Variants in EML1 observed in about 807,000 individuals in gnomAD.
The protein encoded by EML1 is echinoderm microtubule-associated protein-like 1.
A neutral mutation model predicts 110.4 loss-of-function variants in EML1; 27 were observed. The observed-to-expected ratio is 0.24, with a 90% CI of 0.18 to 0.34. The LOEUF is 0.34. Ranked by LOEUF, EML1 falls within the 10% of genes least tolerant of loss-of-function variation. The pLI, the probability that EML1 is intolerant of heterozygous loss-of-function variation, is 1.00. For synonymous variants in EML1, 344 were observed against 385.8 expected, an observed-to-expected ratio of 0.89 and a Z score of 1.27; for missense variants, 741 against 1,030.9, an observed-to-expected ratio of 0.72 and a Z score of 3.85.
intron 1 of EML1, among the ~76,000 whole-genome samples, chr14:99,820,053 G>T (rs1363047239): frequency 6.6e-6 from 1 of 152,172 alleles, no homozygotes; most frequent in Non-Finnish European, 1.5e-5. Context: ...GAAGAGCTGA[G>T]CATGTCTGGA....
At chr14:99,920,229 A>G (rs1006731628) in intron 16 of EML1, among the ~76,000 whole-genome samples, 2 of 152,168 alleles carry the variant, frequency 1.3e-5, no homozygotes, top group Non-Finnish European at 2.9e-5. Flanking sequence ...TGAAATTAGA[A>G]GACCAGTCCT....
chr14:99,811,332 C>CTTCCTCCTCTGCAGGGTTGCAGA (rs2058075885), intron 1 of EML1, among the ~76,000 whole-genome samples: 1 of 151,870 alleles, frequency 6.6e-6, no homozygotes, highest in Non-Finnish European at 1.5e-5. Context: ...AGGTTCGAGC[C>CTTCCTCCTCTGCAGGGTTGCAGA]ACTGTGCCTT....
At chr14:99,820,891 CA>C (rs2058249789) in intron 1 of EML1, among the ~76,000 whole-genome samples, 1 of 152,098 alleles carries the variant, frequency 6.6e-6, no homozygotes, top group Admixed American at 6.5e-5. Context: ...TGAGATTTTT[CA>C]AAAGCCTACA....
chr14:99,916,135 A>G (rs2060031189), intron 15 of EML1, among the ~76,000 whole-genome samples: 1 of 152,266 alleles, frequency 6.6e-6, no homozygotes, highest in Admixed American at 6.5e-5. Context: ...ATTTAGCCTA[A>G]CATAAGGGTT....
chr14:99,737,970 C>A, intron 1 of EML1: 1 of 1,115,272 alleles, frequency 9.0e-7, no homozygotes, highest in Non-Finnish European at 1.2e-6. Context: ...GTGAGCTGGA[C>A]CCCCTTCCTC....
At chr14:99,867,736 T>G (rs1371358294) in intron 3 of EML1, among the ~76,000 whole-genome samples, 1 of 152,226 alleles carries the variant, frequency 6.6e-6, no homozygotes, top group African/African-American at 2.4e-5. Context: ...CTTTAGGGTT[T>G]TCTAAATATA....
At chr14:99,829,390 C>T (rs1351001139) in intron 1 of EML1, among the ~76,000 whole-genome samples, 1 of 152,174 alleles carries the variant, frequency 6.6e-6, no homozygotes, top group Admixed American at 6.5e-5. Flanking sequence ...TGAGTGAACA[C>T]TTGAATGAAT....
chr14:99,890,878 C>T (rs1018429263), intron 4 of EML1, among the ~76,000 whole-genome samples: 5 of 151,692 alleles, frequency 3.3e-5, no homozygotes, highest in Admixed American at 6.6e-5. Context: ...TAAAAACAAC[C>T]GTTTTTACAC....
intron 1 of EML1, among the ~76,000 whole-genome samples, chr14:99,799,448 G>A (rs1405408168): frequency 1.3e-5 from 2 of 152,170 alleles, no homozygotes; most frequent in Non-Finnish European, 2.9e-5. Flanking sequence ...TCAACGCTCC[G>A]AAGTATTTTC....
intron 12 of EML1, among the ~76,000 whole-genome samples, 186 bp downstream of exon 12, chr14:99,910,527 C>T (rs978049347): frequency 3.3e-5 from 5 of 152,060 alleles, no homozygotes; most frequent in South Asian, 2.1e-4. Flanking sequence ...AGAGGAAAAG[C>T]GGAGAATAGT....
intron 1 of EML1, among the ~76,000 whole-genome samples, chr14:99,767,807 C>T (rs1460376537): frequency 2.0e-5 from 3 of 152,118 alleles, no homozygotes; most frequent in African/African-American, 7.2e-5. Context: ...CTCAAGGCCT[C>T]CCCCAAGTCC....
intron 3 of EML1, among the ~76,000 whole-genome samples, chr14:99,873,422 C>G (rs2059237451): frequency 2.0e-5 from 3 of 152,188 alleles, no homozygotes; most frequent in African/African-American, 7.2e-5. Context: ...GAATAGAAAG[C>G]CAAAATCTGG....
exon 1 of EML1, chr14:99,772,992 G>C (rs567811180): frequency 6.6e-6 from 1 of 152,296 alleles, no homozygotes; most frequent in Middle Eastern, 3.4e-3. Flanking sequence ...CCTGGATGCA[G>C]AGCGGTCACA....
intron 16 of EML1, among the ~76,000 whole-genome samples, chr14:99,918,837 A>G (rs146246684): frequency 2.0e-5 from 3 of 152,292 alleles, no homozygotes; most frequent in Non-Finnish European, 4.4e-5. Context: ...AAAATAGAAA[A>G]TAAATGCTTT....
chr14:99,775,343 G>A (rs1005305498), intron 1 of EML1, among the ~76,000 whole-genome samples: 4 of 152,224 alleles, frequency 2.6e-5, no homozygotes, highest in Non-Finnish European at 4.4e-5. Flanking sequence ...TTCAGAGGAG[G>A]GAGAAAGGGC....
chr14:99,878,227 C>T (rs985153046), intron 3 of EML1, among the ~76,000 whole-genome samples: 1 of 151,554 alleles, frequency 6.6e-6, no homozygotes, highest in Non-Finnish European at 1.5e-5. Flanking sequence ...AGTGCTCTCA[C>T]ACGGTACTGT....
At chr14:99,920,759 T>G (rs779817506) in intron 16 of EML1, 30 bp from the exon 17 acceptor site, 2 of 1,570,528 alleles carry the variant, frequency 1.3e-6, no homozygotes, top group Admixed American at 1.8e-5. Flanking sequence ...ATTAAACAAC[T>G]TACTGTGCTT....
In EML1 at chr14:99,911,469, A is replaced by G. The variant is rs749406648; in HGVS notation, c.1387A>G (p.Ile463Val). Residue 463 changes from isoleucine to valine, a missense_variant, in exon 13 of 22, where the codon ATT becomes GTT. Coordinates refer to ENST00000262233, the MANE Select transcript of EML1 (RefSeq NM_004434.3). ...YAVQGAHEGGIFALCMLRDGT... is the reference protein window; with the variant it reads ...YAVQGAHEGGVFALCMLRDGT... ...AGTTCAGGGGGCCCATGAGGGTGGC[A>G]TTTTTGCACTTTGTATGTTAAGAGA... 5.6e-6 allele frequency: 9 copies of G among 1,611,820 alleles called. No individual in the cohort carries two copies. In the Admixed American group the frequency reaches 6.8e-5, roughly 12 times the overall value.
In EML1 at chr14:99,910,280, C is replaced by T. The variant is rs769899424; in HGVS notation, c.1278C>T (p.Phe426=). 6.2e-7 allele frequency: 1 copy of T among 1,613,326 alleles called. No individual in the cohort carries two copies. Among genetic ancestry groups the T allele is most frequent in the South Asian group, 1.1e-5 (1 of 90,916 alleles). Residue 426 remains phenylalanine, a synonymous_variant, in exon 12 of 22, where the codon TTC becomes TTT. Transcript: ENST00000262233. ...CAAAGTTTGTCCTCTGTGTGACTTT[C>T]TCTGAAAACGGTGACACCATTACTG... is the stretch of plus-strand genomic sequence containing the variant. ...EKPKFVLCVT[F]SENGDTITGD...
Sources: gnomAD v4.1 joint callset for allele counts (sites outside exome capture counted in the v4.1 genomes callset) on GRCh38, gnomAD v4.1.1 for gene constraint, MANE v1.5 for transcripts, NCBI Gene and HGNC (gene_info 2026-07-23, HGNC 2026-07-21) for gene names.